Variants in MIA2 observed in about 807,000 individuals in gnomAD.
The protein encoded by MIA2 is melanoma inhibitory activity protein 2.
A neutral mutation model predicts 167.8 loss-of-function variants in MIA2; 127 were observed. The observed-to-expected ratio is 0.76, with a 90% CI of 0.66 to 0.88. The LOEUF is 0.88. Among genes scored for constraint, MIA2 ranks in the 40% least tolerant of loss-of-function variants. MIA2 has a pLI of 0.00. For synonymous variants in MIA2, 552 were observed against 541.9 expected (o/e 1.02, Z -0.26); for missense variants, 1,690 against 1,624.7 (o/e 1.04, Z -0.69).
chr14:39,263,165 C>T (rs2055211522), intron 6 of MIA2, among the ~76,000 whole-genome samples: 1 of 152,002 alleles, frequency 6.6e-6, no homozygotes, highest in South Asian at 2.1e-4. Flanking sequence ...TCATAAATAG[C>T]TCTTATTATT....
chr14:39,336,041 G>A (rs1183186516), intron 25 of MIA2, among the ~76,000 whole-genome samples: 6 of 152,186 alleles, frequency 3.9e-5, no homozygotes, highest in African/African-American at 9.7e-5. Context: ...TGTCTTTGCT[G>A]TTGTGAATAG....
At chr14:39,357,314 G>C (rs372403923) in intron 23 of MIA2, among the ~76,000 whole-genome samples, 130 of 152,154 alleles carry the variant, frequency 8.5e-4, no homozygotes, top group East Asian at 4.1e-3. Flanking sequence ...TAATGGCCTT[G>C]TTTGTCTCTT....
intron 6 of MIA2, among the ~76,000 whole-genome samples, chr14:39,258,071 C>T (rs2054903951): frequency 6.6e-6 from 1 of 152,054 alleles, no homozygotes; most frequent in South Asian, 2.1e-4. Flanking sequence ...CTTGGGGTTG[C>T]TCTTCTTGAG....
In MIA2 at chr14:39,315,734, C is replaced by T. The variant is rs777546032; in HGVS notation, c.3216+16C>T. The T allele has an allele frequency of 1.7e-5, 26 of 1,515,232 alleles. No homozygotes were observed. In the Admixed American group the frequency reaches 1.9e-4, roughly 11 times the overall value. The allele number at this position is 1,515,232 out of a possible 1,614,324, so 93.9% of individuals were successfully genotyped here. A position where few individuals can be genotyped will look rare whatever the true frequency, so the allele number is the denominator to read the frequency against. ...TGATAATTGGGTAAGTTTAAAATTT[C>T]CTTAAGTCTCTTTTGTCAAATTGTA... On this transcript the variant is annotated intron_variant, in intron 21 of 28. Coordinates refer to ENST00000640607, the MANE Select transcript of MIA2 (RefSeq NM_001329214.4).
intron 6 of MIA2, among the ~76,000 whole-genome samples, chr14:39,254,344 T>C (rs2054720310): frequency 6.6e-6 from 1 of 152,140 alleles, no homozygotes; most frequent in East Asian, 1.9e-4. Context: ...GGTCAAATAA[T>C]AGGGAGTTCA....
chr14:39,325,939 C>T (rs576786833), intron 24 of MIA2, among the ~76,000 whole-genome samples: 1 of 152,212 alleles, frequency 6.6e-6, no homozygotes, highest in African/African-American at 2.4e-5. Context: ...GTCTCAAATT[C>T]CTGATCTCAG....
Position 39,303,514 on chromosome 14 carries a change from A to G in MIA2, c.2777A>G (p.His926Arg), listed in dbSNP as rs1158847896. Residue 926 changes from histidine to arginine, a missense_variant, in exon 16 of 29, where the codon CAT becomes CGT. His to Arg is a conservative substitution (Grantham distance 29). Coordinates refer to ENST00000640607, the MANE Select transcript of MIA2 (RefSeq NM_001329214.4). ...PPKGALKKLIHAAKLNASLKT... is the reference protein window; with the variant it reads ...PPKGALKKLIRAAKLNASLKT... ...AAAGGAGCTTTGAAGAAACTGATTC[A>G]TGCTGCTAAGGTTTGTGCTATTAGA... The G allele has an allele frequency of 1.2e-6, 2 of 1,610,800 alleles. No individual in the cohort carries two copies. The highest frequency in any genetic ancestry group is 1.7e-6 in the Non-Finnish European group (2 of 1,177,746).
intron 10 of MIA2, 47 bp downstream of exon 10, chr14:39,291,143 T>C: frequency 6.6e-7 from 1 of 1,511,562 alleles, no homozygotes; most frequent in Middle Eastern, 1.7e-4. Context: ...AAAAAAATAC[T>C]AAGTAACAAA....
intron 9 of MIA2, among the ~76,000 whole-genome samples, chr14:39,287,338 G>A (rs1482856819): frequency 6.6e-6 from 1 of 152,068 alleles, no homozygotes; most frequent in African/African-American, 2.4e-5. Flanking sequence ...GCCTCCCAAA[G>A]TGCTGGGATT....
rs548260988 is a variant in MIA2 at position 39,363,881 on chromosome 14, C to T, written c.2248+14904C>T. 2.0e-5 allele frequency among the ~76,000 whole-genome samples: 3 copies of T among 152,258 alleles called. No individual in the cohort carries two copies. The South Asian group carries it at 6.2e-4, about 32-fold the overall frequency. On this transcript the variant is annotated intron_variant, in intron 23 of 23. Coordinates refer to the MIA2 transcript ENST00000341502. ...GAGTATCTTTTTTCAACTTAAAAAG[C>T]TGAAGAGTAAAGCTTTCAGTCTATG...
chr14:39,243,588 G>A (rs1328432420), intron 3 of MIA2, among the ~76,000 whole-genome samples: 1 of 152,106 alleles, frequency 6.6e-6, no homozygotes. Flanking sequence ...GAACCAGGCT[G>A]GGGGTGGTGG....
chr14:39,301,252 C>T (rs1248154023), intron 14 of MIA2, among the ~76,000 whole-genome samples: 4 of 152,052 alleles, frequency 2.6e-5, no homozygotes, highest in Non-Finnish European at 5.9e-5. Flanking sequence ...TTAGTAAAGA[C>T]GCGGTTTCAC....
At chr14:39,314,523 A>G (rs17109118) in intron 19 of MIA2, among the ~76,000 whole-genome samples, 30,101 of 151,086 alleles carry the variant, frequency 0.2, 2,995 homozygotes, top group Middle Eastern at 0.28. Context: ...AGTAGTATTA[A>G]GTTGTAATCA....
At chr14:39,250,701 A>C (rs542344780) in intron 4 of MIA2, among the ~76,000 whole-genome samples, 4 of 76,260 alleles carry the variant, frequency 5.2e-5, no homozygotes, top group Admixed American at 1.6e-4. Flanking sequence ...GTCTCAAAAA[A>C]AAATATGCAT....
intron 3 of MIA2, among the ~76,000 whole-genome samples, chr14:39,242,073 A>G (rs1423518922): frequency 1.3e-5 from 2 of 152,274 alleles, no homozygotes; most frequent in Non-Finnish European, 2.9e-5. Context: ...TTTTGGAAGC[A>G]AAGGATATGT....
At chr14:39,384,469 G>C (rs1005454043) in intron 23 of MIA2, among the ~76,000 whole-genome samples, 6 of 152,114 alleles carry the variant, frequency 3.9e-5, no homozygotes, top group African/African-American at 1.2e-4. Flanking sequence ...GCAGCCCATG[G>C]ATCAAAGGGT....
chr14:39,269,099 T>TTTTTTTTGC, intron 6 of MIA2: 1 of 828,342 alleles, frequency 1.2e-6, no homozygotes, highest in Non-Finnish European at 1.4e-6. Flanking sequence ...TTTTTTTTTT[T>TTTTTTTTGC]GCTAAATGCG....
chr14:39,279,536 A>C lies in MIA2; in HGVS notation c.2129A>C (p.Glu710Ala). The C allele has an allele frequency of 6.3e-7, 1 of 1,581,972 alleles. No individual in the cohort carries two copies. The highest frequency in any genetic ancestry group is 8.6e-7 in the Non-Finnish European group (1 of 1,158,582). Residue 710 changes from glutamate to alanine, a missense_variant and splice_region_variant, in exon 9 of 29, where the codon GAG becomes GCG. Glu to Ala is a moderately radical substitution (Grantham distance 107). Coordinates refer to ENST00000640607, the MANE Select transcript of MIA2 (RefSeq NM_001329214.4). ...GAAAAATTTAGCCTTGTTCAAAAAG[A>C]GGTAAGATATTTTTGAAAATAATAT... The part of the protein sequence containing the change: ...LLEKFSLVQK[E>A]YEGYEVESSL...
chr14:39,244,401 T>A (rs1027344296), intron 3 of MIA2, among the ~76,000 whole-genome samples: 1 of 152,180 alleles, frequency 6.6e-6, no homozygotes, highest in South Asian at 2.1e-4. Flanking sequence ...ATCTTACAGA[T>A]GAAGGAGATT....
Sources: gnomAD v4.1 joint callset for allele counts (sites outside exome capture counted in the v4.1 genomes callset) on GRCh38, gnomAD v4.1.1 for gene constraint, MANE v1.5 for transcripts, NCBI Gene and HGNC (gene_info 2026-07-23, HGNC 2026-07-21) for gene names.